ALK: variants seen among roughly 807,000 people sequenced by gnomAD.
ALK encodes the protein ALK tyrosine kinase receptor.
Under a neutral mutation model 163.1 loss-of-function variants are expected in ALK, and 74 were observed. The ratio of observed to expected loss-of-function variants is 0.45; its 90% CI spans 0.38 to 0.55. The LOEUF is 0.55. ALK is among the 20% of genes least tolerant of loss of function. The pLI is 0.00. For synonymous variants in ALK, 960 were observed against 843.2 expected (o/e 1.14, Z -2.40); for missense variants, 2,063 against 2,105.3 (o/e 0.98, Z 0.39).
chr2:29,461,221 T>A (rs1671076977), intron 4 of ALK, among the ~76,000 whole-genome samples: 1 of 152,182 alleles, frequency 6.6e-6, no homozygotes, highest in African/African-American at 2.4e-5. Flanking sequence ...ACAAGCCATG[T>A]CCATAACATA....
intron 4 of ALK, among the ~76,000 whole-genome samples, chr2:29,478,065 T>C (rs1220237213): frequency 2.0e-5 from 3 of 152,204 alleles, no homozygotes; most frequent in Non-Finnish European, 2.9e-5. Context: ...CCATAAAAAA[T>C]GAAGAGACTG....
At chr2:29,899,984 G>C (rs544524953) in intron 1 of ALK, among the ~76,000 whole-genome samples, 2 of 152,346 alleles carry the variant, frequency 1.3e-5, no homozygotes, top group East Asian at 3.9e-4. Context: ...TGCAGTGGCT[G>C]CTTCGTGGGC....
chr2:29,821,132 G>A (rs747037954), intron 1 of ALK, among the ~76,000 whole-genome samples: 14 of 152,190 alleles, frequency 9.2e-5, no homozygotes, highest in African/African-American at 4.8e-5. Flanking sequence ...GGGGAAGGTG[G>A]CATCACATGG....
intron 9 of ALK, among the ~76,000 whole-genome samples, chr2:29,290,734 AT>A (rs1400055314): frequency 6.6e-6 from 1 of 152,216 alleles, no homozygotes; most frequent in Non-Finnish European, 1.5e-5. Flanking sequence ...ACATGAATAG[AT>A]ATGCAAATTA....
chr2:29,205,417 AAACC>A (rs887128608), intron 26 of ALK, among the ~76,000 whole-genome samples: 6 of 152,198 alleles, frequency 3.9e-5, no homozygotes, highest in African/African-American at 7.2e-5. Context: ...GTAAAAAACA[AAACC>A]AACCAACCAA....
rs141915488 is a variant in ALK at position 29,650,852 on chromosome 2, T to A, written c.952+43998A>T. ...CATTGCAATAGGGCTACTTTTAATGTGCTTGGTAACAATTAGCTCTTGAAG... is the reference window on the plus strand; with the variant it reads ...CATTGCAATAGGGCTACTTTTAATGAGCTTGGTAACAATTAGCTCTTGAAG... On this transcript the variant is annotated intron_variant, in intron 3 of 28. Transcript: ENST00000389048. Among the ~76,000 whole-genome samples the A allele has an allele frequency of 3.8e-3, 579 of 152,266 alleles. 1 individual carries two copies. Among genetic ancestry groups the A allele is most frequent in the African/African-American group, 0.012 (518 of 41,554 alleles).
intron 1 of ALK, among the ~76,000 whole-genome samples, chr2:29,828,577 G>A (rs1023992265): frequency 2.6e-5 from 4 of 152,158 alleles, no homozygotes; most frequent in African/African-American, 9.7e-5. Context: ...CACCATCACT[G>A]GCCATCAAAG....
intron 1 of ALK, among the ~76,000 whole-genome samples, chr2:29,903,737 T>C (rs1220955496): frequency 1.3e-5 from 2 of 152,200 alleles, no homozygotes; most frequent in Admixed American, 6.5e-5. Flanking sequence ...AATCTAGTCA[T>C]GGTCTTTAAA....
At chr2:29,288,680 G>T (rs1665926677) in intron 9 of ALK, among the ~76,000 whole-genome samples, 1 of 152,148 alleles carries the variant, frequency 6.6e-6, no homozygotes. Flanking sequence ...ACTGGGTGCG[G>T]TGGCTCATGC....
chr2:29,603,280 G>C (rs1429861488), intron 3 of ALK, among the ~76,000 whole-genome samples: 1 of 152,204 alleles, frequency 6.6e-6, no homozygotes, highest in Non-Finnish European at 1.5e-5. Context: ...TACGTAGACA[G>C]GGAAGGGGAT....
chr2:29,640,195 T>C lies in ALK; in HGVS notation c.952+54655A>G, dbSNP rs149634778. On this transcript the variant is annotated intron_variant, in intron 3 of 28. Coordinates refer to ENST00000389048, the MANE Select transcript of ALK (RefSeq NM_004304.5). ...ATTCATCTCCTCAGTAAGTAACTAT[T>C]AAGCATTTACTATGTGCCGGGTGAT... Among the ~76,000 whole-genome samples, 463 of 152,306 alleles carry C rather than the reference T, an allele frequency of 3.0e-3. 4 individuals are homozygous for C. Among genetic ancestry groups the C allele is most frequent in the Non-Finnish European group, 3.4e-3 (231 of 68,032 alleles).
chr2:29,549,440 G>A (rs1444413554), intron 3 of ALK, among the ~76,000 whole-genome samples: 1 of 152,190 alleles, frequency 6.6e-6, no homozygotes, highest in Non-Finnish European at 1.5e-5. Flanking sequence ...GAACAACCCA[G>A]TGAAATAGAT....
chr2:29,336,485 T>C (rs998872250), intron 5 of ALK, among the ~76,000 whole-genome samples: 3 of 152,202 alleles, frequency 2.0e-5, no homozygotes, highest in African/African-American at 4.8e-5. Context: ...TGTTTGCCCA[T>C]TTATCTCCTC....
chr2:29,320,849 T>A lies in ALK; in HGVS notation c.1448A>T (p.Glu483Val). 1.2e-6 allele frequency: 2 copies of A among 1,614,178 alleles called. No individual in the cohort carries two copies. The highest frequency in any genetic ancestry group is 1.7e-6 in the Non-Finnish European group (2 of 1,180,026). ...TTGGGTCCAGCCACAGAAGCCATCT[T>A]CAAAGTTGCAGTAAAAACCCACAGG... ...KLPVGFYCNF[E>V]DGFCGWTQGT... Residue 483 changes from glutamate to valine, a missense_variant, in exon 7 of 29, where the codon GAA (glutamate) becomes GTA (valine). Physicochemically the swap from Glu to Val is moderately radical, Grantham distance 121. Coordinates refer to ENST00000389048, the MANE Select transcript of ALK (RefSeq NM_004304.5).
At chr2:29,749,779 C>T (rs969316371) in intron 1 of ALK, among the ~76,000 whole-genome samples, 8 of 152,168 alleles carry the variant, frequency 5.3e-5, no homozygotes, top group African/African-American at 1.9e-4. Flanking sequence ...TATATGGAAA[C>T]TAGAGAGACA....
chr2:29,906,937 GTTTTTTTTTT>G (rs70962250), intron 1 of ALK, among the ~76,000 whole-genome samples: 1 of 80,012 alleles, frequency 1.2e-5, no homozygotes, highest in African/African-American at 4.6e-5. Context: ...TACATTTAAG[GTTTTTTTTTT>G]TTTTTTTTTT....
intron 8 of ALK, among the ~76,000 whole-genome samples, chr2:29,312,929 C>T (rs918340265): frequency 1.3e-5 from 2 of 152,184 alleles, no homozygotes; most frequent in African/African-American, 2.4e-5. Context: ...AGGAACTCTG[C>T]CTGATGAGTA....
chr2:29,538,238 A>C (rs915027124), intron 3 of ALK, among the ~76,000 whole-genome samples: 1 of 152,190 alleles, frequency 6.6e-6, no homozygotes, highest in African/African-American at 2.4e-5. Context: ...TTGTCCCTCC[A>C]AATCTCACGT....
chr2:29,415,050 C>A (rs893421091), intron 4 of ALK, among the ~76,000 whole-genome samples: 1 of 151,162 alleles, frequency 6.6e-6, no homozygotes, highest in Admixed American at 6.6e-5. Context: ...ATGCAGACAC[C>A]CCACACACAT....
Sources: allele counts gnomAD v4.1 joint callset (sites outside exome capture counted in the v4.1 genomes callset), GRCh38; gene constraint gnomAD v4.1.1; transcripts MANE v1.5; gene names NCBI Gene and HGNC (gene_info 2026-07-23, HGNC 2026-07-21).